Variants in PVT1 observed in about 807,000 individuals in gnomAD.
PVT1 encodes the protein CXCR4/PVT1 fusion.
At chr8:127,883,889 C>T (rs947473980) in intron 2 of PVT1, among the ~76,000 whole-genome samples, 2 of 152,122 alleles carry the variant, frequency 1.3e-5, no homozygotes, top group East Asian at 3.9e-4. Context: ...CGTGAGAATA[C>T]GATGAAACAG....
At chr8:127,860,784 A>T (rs11782428) in intron 2 of PVT1, among the ~76,000 whole-genome samples, 1 of 143,390 alleles carries the variant, frequency 7.0e-6, no homozygotes, top group Non-Finnish European at 1.5e-5. Context: ...AAAAAAAAAA[A>T]GGAGAAGACA....
intron 2 of PVT1, among the ~76,000 whole-genome samples, chr8:127,883,402 T>G (rs2129790864): frequency 6.6e-6 from 1 of 152,302 alleles, no homozygotes; most frequent in East Asian, 1.9e-4. Context: ...TTTTTCGTTT[T>G]TCTTCCAAAT....
chr8:127,910,245 G>T (rs562814151), intron 3 of PVT1, among the ~76,000 whole-genome samples: 1 of 152,152 alleles, frequency 6.6e-6, no homozygotes, highest in Non-Finnish European at 1.5e-5. Flanking sequence ...AGATGGAAGC[G>T]GGGGCAGTTG....
intron 2 of PVT1, among the ~76,000 whole-genome samples, chr8:127,875,705 C>T (rs781220467): frequency 1.1e-4 from 17 of 152,284 alleles, no homozygotes; most frequent in Middle Eastern, 3.4e-3. Flanking sequence ...TGACCTTGGA[C>T]AAGGCACCCT....
At chr8:127,823,300 A>T (rs1814753270) in intron 2 of PVT1, among the ~76,000 whole-genome samples, 1 of 152,220 alleles carries the variant, frequency 6.6e-6, no homozygotes, top group Non-Finnish European at 1.5e-5. Flanking sequence ...CTTCATATGG[A>T]TGCAGAGCTT....
intron 2 of PVT1, among the ~76,000 whole-genome samples, chr8:127,885,749 A>G (rs932739874): frequency 6.6e-6 from 1 of 152,238 alleles, no homozygotes; most frequent in African/African-American, 2.4e-5. Context: ...CCATTTTCAG[A>G]TGAGGAAATT....
At chr8:128,054,584 C>T (rs775303552) in intron 4 of PVT1, among the ~76,000 whole-genome samples, 2 of 152,180 alleles carry the variant, frequency 1.3e-5, no homozygotes, top group Non-Finnish European at 2.9e-5. Context: ...TCAACTGTGT[C>T]AGTTCTCCTT....
intron 2 of PVT1, among the ~76,000 whole-genome samples, chr8:127,801,665 C>T (rs189372324): frequency 4.8e-4 from 73 of 152,274 alleles, no homozygotes; most frequent in East Asian, 1.7e-3. Context: ...GACAAACATG[C>T]ACAGAGCGTT....
chr8:127,821,928 A>G (rs943249471), intron 2 of PVT1, among the ~76,000 whole-genome samples: 1 of 152,222 alleles, frequency 6.6e-6, no homozygotes, highest in Non-Finnish European at 1.5e-5. Flanking sequence ...GCAGGGTACA[A>G]TCTGCACGGC....
chr8:127,986,462 A>G (rs1448213174), intron 3 of PVT1, among the ~76,000 whole-genome samples: 1 of 152,184 alleles, frequency 6.6e-6, no homozygotes, highest in Non-Finnish European at 1.5e-5. Context: ...AGTCAACCAC[A>G]CAGCAGGTAG....
intron 3 of PVT1, among the ~76,000 whole-genome samples, chr8:127,981,242 T>A (rs1221297505): frequency 6.6e-6 from 1 of 152,200 alleles, no homozygotes; most frequent in Non-Finnish European, 1.5e-5. Flanking sequence ...GATTGCTTGG[T>A]CCAACCTCTT....
intron 4 of PVT1, among the ~76,000 whole-genome samples, chr8:128,009,907 G>T (rs903013332): frequency 2.6e-5 from 4 of 152,196 alleles, no homozygotes; most frequent in African/African-American, 9.7e-5. Flanking sequence ...AACTACATTT[G>T]AGTAAGAATC....
chr8:128,018,662 G>C (rs1163507067), intron 4 of PVT1, among the ~76,000 whole-genome samples: 1 of 152,226 alleles, frequency 6.6e-6, no homozygotes, highest in Non-Finnish European at 1.5e-5. Flanking sequence ...CTGTGACCTA[G>C]TGTCCAGCCA....
At chr8:127,969,393 C>G (rs1816737955) in intron 3 of PVT1, among the ~76,000 whole-genome samples, 1 of 152,098 alleles carries the variant, frequency 6.6e-6, no homozygotes, top group Non-Finnish European at 1.5e-5. Context: ...TTTTCTGACC[C>G]ACCTAAAATC....
intron 2 of PVT1, among the ~76,000 whole-genome samples, chr8:127,810,472 T>C (rs544427942): frequency 6.6e-6 from 1 of 152,208 alleles, no homozygotes; most frequent in Non-Finnish European, 1.5e-5. Context: ...AATTGCTGAA[T>C]GCATGGTGGC....
At chr8:127,993,058 G>A (rs1817061668) in intron 4 of PVT1, among the ~76,000 whole-genome samples, 1 of 152,216 alleles carries the variant, frequency 6.6e-6, no homozygotes, top group Non-Finnish European at 1.5e-5. Context: ...TCTGGTATTG[G>A]CCCATTTCTC....
At chr8:128,035,437 T>G (rs1250971454) in intron 4 of PVT1, among the ~76,000 whole-genome samples, 9 of 152,172 alleles carry the variant, frequency 5.9e-5, no homozygotes, top group African/African-American at 1.9e-4. Context: ...TCACACTTTG[T>G]GGGGGGCCAA....
chr8:127,999,750 C>T (rs1018065709), intron 4 of PVT1, among the ~76,000 whole-genome samples: 1 of 152,234 alleles, frequency 6.6e-6, no homozygotes, highest in Non-Finnish European at 1.5e-5. Flanking sequence ...GCGTGAGTCA[C>T]CACGCCCGGC....
At chr8:127,808,488 C>T (rs796571954) in intron 2 of PVT1, among the ~76,000 whole-genome samples, 5 of 152,256 alleles carry the variant, frequency 3.3e-5, no homozygotes, top group African/African-American at 9.6e-5. Flanking sequence ...AAGGAGTGAA[C>T]GTCCAGGGTC....
Sources: allele counts gnomAD v4.1 joint callset (sites outside exome capture counted in the v4.1 genomes callset), GRCh38; gene constraint gnomAD v4.1.1; transcripts MANE v1.5; gene names NCBI Gene and HGNC (gene_info 2026-07-23, HGNC 2026-07-21).